The following CTNNA3 variants were observed in gnomAD, a reference collection of about 807,000 sequenced individuals.
CTNNA3 encodes the protein catenin alpha-3.
CTNNA3 carries 76 observed loss-of-function variants against 95.7 expected under a neutral mutation model. The ratio of observed to expected loss-of-function variants is 0.79; its 90% CI spans 0.66 to 0.96. The LOEUF is 0.96. Among genes scored for constraint, CTNNA3 ranks in the 40% least tolerant of loss-of-function variants. The pLI is 0.00. For synonymous variants in CTNNA3, 431 were observed against 374.4 expected (o/e 1.15, Z -1.74); for missense variants, 1,191 against 1,089.8 (o/e 1.09, Z -1.31).
intron 13 of CTNNA3, among the ~76,000 whole-genome samples, chr10:66,140,450 A>AT (rs2083556579): frequency 6.6e-6 from 1 of 152,220 alleles, no homozygotes; most frequent in South Asian, 2.1e-4. Flanking sequence ...GTCTCCTGAC[A>AT]TTTTATAATA....
intron 12 of CTNNA3, among the ~76,000 whole-genome samples, chr10:66,374,469 T>C (rs79516708): frequency 0.016 from 2,440 of 152,102 alleles, 69 homozygotes; most frequent in African/African-American, 0.057. Flanking sequence ...ATTCAAGAGA[T>C]TTCGTTTTGG....
chr10:65,948,193 A>G (rs527299384), intron 17 of CTNNA3, among the ~76,000 whole-genome samples: 1 of 150,584 alleles, frequency 6.6e-6, no homozygotes, highest in African/African-American at 2.4e-5. Flanking sequence ...AGGCAGGAGA[A>G]TGGCATGACC....
chr10:66,006,023 T>TC (rs1184312471), intron 15 of CTNNA3, among the ~76,000 whole-genome samples: 2 of 149,984 alleles, frequency 1.3e-5, no homozygotes, highest in Non-Finnish European at 3.0e-5. Context: ...TTTTTTTTTT[T>TC]TTTTTCCGAG....
intron 1 of CTNNA3, among the ~76,000 whole-genome samples, chr10:67,656,808 G>C (rs888158723): frequency 2.0e-5 from 3 of 152,146 alleles, no homozygotes; most frequent in Non-Finnish European, 2.9e-5. Flanking sequence ...GGAGGCCAGT[G>C]TAAGCAGGGC....
intron 9 of CTNNA3, among the ~76,000 whole-genome samples, chr10:66,636,120 A>C (rs1200557183): frequency 6.6e-6 from 1 of 151,760 alleles, no homozygotes; most frequent in Non-Finnish European, 1.5e-5. Flanking sequence ...ACTATTATTA[A>C]ATACTATGAT....
chr10:66,898,227 A>T (rs1845580835), intron 7 of CTNNA3, among the ~76,000 whole-genome samples: 1 of 152,226 alleles, frequency 6.6e-6, no homozygotes, highest in East Asian at 1.9e-4. Flanking sequence ...ATCATTAGAG[A>T]GAGTAGCTTG....
At chr10:67,530,666 T>G (rs1351144929) in intron 4 of CTNNA3, among the ~76,000 whole-genome samples, 2 of 152,226 alleles carry the variant, frequency 1.3e-5, no homozygotes, top group Non-Finnish European at 2.9e-5. Flanking sequence ...GAAAATCACA[T>G]TTTCTGAGGA....
intron 5 of CTNNA3, among the ~76,000 whole-genome samples, chr10:67,401,646 T>G (rs145608080): frequency 9.9e-5 from 15 of 152,146 alleles, no homozygotes; most frequent in Non-Finnish European, 1.5e-4. Flanking sequence ...GGTACAGTGC[T>G]AGTGATTGGA....
rs1012002134 is a variant in CTNNA3, at chr10:66,319,900, T to C, written c.1733-39279A>G. ...CACCAAGTTCCTGTTCTCCTGTGGG[T>C]AGGAGTAGATACTGAGTGGATGAAT... On this transcript the variant is annotated intron_variant, in intron 12 of 17. Coordinates refer to ENST00000433211, the MANE Select transcript of CTNNA3 (RefSeq NM_013266.4). 9.9e-5 allele frequency among the ~76,000 whole-genome samples: 15 copies of C among 152,094 alleles called. 1 individual carries two copies. The highest frequency in any genetic ancestry group is 3.4e-4 in the African/African-American group (14 of 41,432).
intron 7 of CTNNA3, among the ~76,000 whole-genome samples, chr10:66,818,530 G>T (rs972536297): frequency 6.6e-6 from 1 of 152,058 alleles, no homozygotes; most frequent in African/African-American, 2.4e-5. Context: ...AAGTAAAATA[G>T]AAACAAATTT....
At chr10:67,637,390 C>G (rs1169633690) in intron 2 of CTNNA3, among the ~76,000 whole-genome samples, 1 of 152,254 alleles carries the variant, frequency 6.6e-6, no homozygotes, top group Non-Finnish European at 1.5e-5. Context: ...ATGTCTGATT[C>G]GTGTACCTGA....
intron 12 of CTNNA3, among the ~76,000 whole-genome samples, chr10:66,368,574 G>C (rs1355841836): frequency 6.6e-6 from 1 of 152,040 alleles, no homozygotes; most frequent in Non-Finnish European, 1.5e-5. Flanking sequence ...AGATGGAAAA[G>C]ACAAAACAAA....
chr10:67,580,977 C>A (rs917039039), intron 3 of CTNNA3, among the ~76,000 whole-genome samples: 1 of 152,114 alleles, frequency 6.6e-6, no homozygotes, highest in African/African-American at 2.4e-5. Flanking sequence ...ATGGGGTTTT[C>A]TAGATATACA....
intron 3 of CTNNA3, among the ~76,000 whole-genome samples, chr10:67,573,489 C>T (rs565019188): frequency 6.6e-5 from 10 of 152,066 alleles, no homozygotes; most frequent in Non-Finnish European, 1.3e-4. Flanking sequence ...TGCCATCTCC[C>T]TATCTTATGT....
At chr10:66,147,433 T>C (rs2083945040) in intron 13 of CTNNA3, among the ~76,000 whole-genome samples, 1 of 152,048 alleles carries the variant, frequency 6.6e-6, no homozygotes. Flanking sequence ...AATGATATGA[T>C]ATATAGTGTT....
chr10:67,703,274 T>A (rs1000859487), intron 1 of CTNNA3, among the ~76,000 whole-genome samples: 12 of 152,144 alleles, frequency 7.9e-5, no homozygotes, highest in Non-Finnish European at 1.2e-4. Context: ...TAACTCATTT[T>A]ATGAGGCCAG....
intron 6 of CTNNA3, among the ~76,000 whole-genome samples, chr10:67,203,920 C>T (rs1365608154): frequency 1.3e-5 from 2 of 152,060 alleles, no homozygotes; most frequent in East Asian, 1.9e-4. Flanking sequence ...TTCATTACTA[C>T]AGAAAAGGTG....
At chr10:67,497,096 T>C (rs776404920) in intron 5 of CTNNA3, among the ~76,000 whole-genome samples, 3 of 152,078 alleles carry the variant, frequency 2.0e-5, no homozygotes, top group Non-Finnish European at 4.4e-5. Flanking sequence ...CCCCACCCAC[T>C]GACAGGCCCT....
Position 67,748,732 on chromosome 10 carries a change from C to T in CTNNA3, c.-2+14702G>A, listed in dbSNP as rs115486830. 1.2e-3 allele frequency among the ~76,000 whole-genome samples: 188 copies of T among 152,234 alleles called. 2 individuals are homozygous for T. The highest frequency in any genetic ancestry group is 4.0e-3 in the African/African-American group (168 of 41,550). ...ATAAGCAGCTAGCATCATTATTACA[C>T]GATCAAATTCACACATAACAATTTT... is the stretch of plus-strand genomic sequence containing the variant. On this transcript the variant is annotated intron_variant, in intron 1 of 17. Transcript: ENST00000684154.
Sources: gnomAD v4.1 joint callset for allele counts (sites outside exome capture counted in the v4.1 genomes callset) on GRCh38, gnomAD v4.1.1 for gene constraint, MANE v1.5 for transcripts, NCBI Gene and HGNC (gene_info 2026-07-23, HGNC 2026-07-21) for gene names.